The following PCDH15 variants were observed in gnomAD, a reference collection of about 807,000 sequenced individuals.
PCDH15 encodes protocadherin-15.
PCDH15 carries 129 observed loss-of-function variants against 178.5 expected under a neutral mutation model. The ratio of observed to expected loss-of-function variants is 0.72; its 90% CI spans 0.63 to 0.84. The LOEUF (loss-of-function observed/expected upper bound fraction) is 0.84. Among genes scored for constraint, PCDH15 ranks in the 40% least tolerant of loss-of-function variants. The pLI is 0.00. For synonymous variants in PCDH15, 800 were observed against 732.0 expected, an observed-to-expected ratio of 1.09 and a Z score of -1.50; for missense variants, 2,230 against 2,099.9, an observed-to-expected ratio of 1.06 and a Z score of -1.21.
chr10:54,409,575 A>G (rs1953179090), intron 3 of PCDH15, among the ~76,000 whole-genome samples: 2 of 152,146 alleles, frequency 1.3e-5, no homozygotes, highest in South Asian at 2.1e-4. Flanking sequence ...TACCCAAAAT[A>G]CTATAGTGGT....
Position 54,077,497 on chromosome 10 carries a change from A to G in PCDH15, c.2091+1834T>C, listed in dbSNP as rs186566687. On this transcript the variant is annotated intron_variant, in intron 17 of 37. Coordinates refer to ENST00000644397, the MANE Select transcript of PCDH15 (RefSeq NM_001384140.1). Reference sequence around the variant, plus strand: ...TATTACTGCCATTAGTTTCTGATTTATAATGTGGCATATTTCAAAGCTATG... The same window carrying G: ...TATTACTGCCATTAGTTTCTGATTTGTAATGTGGCATATTTCAAAGCTATG... 5.3e-5 allele frequency among the ~76,000 whole-genome samples: 8 copies of G among 152,326 alleles called. No homozygotes were observed. In the East Asian group the frequency reaches 1.2e-3, roughly 22 times the overall value.
At chr10:54,594,173 C>T (rs999505959) in intron 2 of PCDH15, among the ~76,000 whole-genome samples, 1 of 152,088 alleles carries the variant, frequency 6.6e-6, no homozygotes, top group Admixed American at 6.6e-5. Context: ...TCTTGTCAGC[C>T]ACCATGGACA....
At chr10:54,381,753 T>C (rs1375660399) in intron 3 of PCDH15, among the ~76,000 whole-genome samples, 1 of 152,100 alleles carries the variant, frequency 6.6e-6, no homozygotes, top group African/African-American at 2.4e-5. Context: ...GGGATTCACC[T>C]TACATGAAAT....
At chr10:53,915,382 G>A (rs1207152559) in intron 25 of PCDH15, among the ~76,000 whole-genome samples, 1 of 152,154 alleles carries the variant, frequency 6.6e-6, no homozygotes, top group East Asian at 1.9e-4. Flanking sequence ...AAGATAGATT[G>A]ATCTTTTGTG....
chr10:55,133,570 C>T (rs1170067052), intron 2 of PCDH15, among the ~76,000 whole-genome samples: 1 of 152,100 alleles, frequency 6.6e-6, no homozygotes, highest in Non-Finnish European at 1.5e-5. Context: ...TAGCCCTGAC[C>T]TCTTTCCTGA....
intron 2 of PCDH15, among the ~76,000 whole-genome samples, chr10:55,127,684 A>C (rs1477626320): frequency 6.6e-6 from 1 of 152,096 alleles, no homozygotes; most frequent in Non-Finnish European, 1.5e-5. Flanking sequence ...ATTCTCTTGC[A>C]TGCAGATTAA....
intron 2 of PCDH15, among the ~76,000 whole-genome samples, chr10:55,521,256 TTC>T (rs1236333078): frequency 2.0e-5 from 3 of 152,186 alleles, no homozygotes; most frequent in African/African-American, 7.2e-5. Context: ...CAAGATTTTC[TTC>T]TGTTTTTGAC....
chr10:55,408,115 G>A (rs74136628), intron 2 of PCDH15, among the ~76,000 whole-genome samples: 681 of 152,082 alleles, frequency 4.5e-3, no homozygotes, highest in African/African-American at 0.015. Context: ...TTCAACTTTT[G>A]CTGCAGAAAA....
intron 2 of PCDH15, among the ~76,000 whole-genome samples, chr10:54,901,985 T>G (rs942176458): frequency 1.4e-5 from 1 of 71,292 alleles, no homozygotes; most frequent in South Asian, 6.0e-4. Flanking sequence ...AATATTCATA[T>G]TGATACATTC....
chr10:54,605,433 G>GT (rs1408229035), intron 2 of PCDH15, among the ~76,000 whole-genome samples: 1 of 151,882 alleles, frequency 6.6e-6, no homozygotes, highest in African/African-American at 2.4e-5. Context: ...GTATTTGTTT[G>GT]TTTGTTTCCG....
chr10:54,192,471 T>C (rs1282147820), intron 11 of PCDH15, among the ~76,000 whole-genome samples: 1 of 152,118 alleles, frequency 6.6e-6, no homozygotes, highest in African/African-American at 2.4e-5. Context: ...TTCTTAGTTG[T>C]GGCGAATAAA....
chr10:55,001,239 G>C (rs1435691063), intron 2 of PCDH15, among the ~76,000 whole-genome samples: 2 of 152,146 alleles, frequency 1.3e-5, no homozygotes, highest in Admixed American at 6.5e-5. Context: ...GCCCAGTAAG[G>C]CTCCTTTCTT....
At chr10:54,809,601 C>T (rs1045154930) in intron 3 of PCDH15, among the ~76,000 whole-genome samples, 1 of 152,114 alleles carries the variant, frequency 6.6e-6, no homozygotes, top group African/African-American at 2.4e-5. Context: ...CTCATCTTAT[C>T]TCAATCCATA....
intron 2 of PCDH15, among the ~76,000 whole-genome samples, chr10:55,558,801 A>AT (rs1421877101): frequency 2.0e-5 from 3 of 152,164 alleles, no homozygotes; most frequent in African/African-American, 7.2e-5. Context: ...TTTTCTTTCC[A>AT]TTTTACCTAC....
chr10:55,218,738 A>G (rs1840782536), intron 1 of PCDH15, among the ~76,000 whole-genome samples: 1 of 152,002 alleles, frequency 6.6e-6, no homozygotes, highest in East Asian at 1.9e-4. Context: ...AACTTTGGGC[A>G]CTTTGCTGAG....
At chr10:54,848,189 G>C (rs1378301738) in intron 3 of PCDH15, among the ~76,000 whole-genome samples, 1 of 152,000 alleles carries the variant, frequency 6.6e-6, no homozygotes, top group Non-Finnish European at 1.5e-5. Context: ...GACCAGCCTG[G>C]CCAACATGGT....
At chr10:54,454,788 C>T (rs892475903) in intron 3 of PCDH15, among the ~76,000 whole-genome samples, 2 of 152,226 alleles carry the variant, frequency 1.3e-5, no homozygotes, top group East Asian at 1.9e-4. Context: ...CAAGCAAAAT[C>T]GTGCAAGTAT....
chr10:55,410,415 A>C (rs1350788596), intron 2 of PCDH15, among the ~76,000 whole-genome samples: 1 of 152,110 alleles, frequency 6.6e-6, no homozygotes, highest in Non-Finnish European at 1.5e-5. Flanking sequence ...CTGATATCAT[A>C]CTGGATTTCA....
intron 6 of PCDH15, among the ~76,000 whole-genome samples, chr10:54,340,117 G>T (rs2583022): frequency 0.33 from 49,448 of 151,828 alleles, 9,073 homozygotes; most frequent in African/African-American, 0.51. Context: ...ACTTTTAGAA[G>T]AAGATATTTA....
Sources: allele counts gnomAD v4.1 joint callset (sites outside exome capture counted in the v4.1 genomes callset), GRCh38; gene constraint gnomAD v4.1.1; transcripts MANE v1.5; gene names NCBI Gene and HGNC (gene_info 2026-07-23, HGNC 2026-07-21).